ATP8A2: variants seen among roughly 807,000 people sequenced by gnomAD.
ATP8A2 encodes the protein phospholipid-transporting ATPase IB.
In ATP8A2, 100 loss-of-function variants were observed where a neutral mutation model predicts 165.6. That is an observed-to-expected ratio of 0.60 (90% CI 0.51 to 0.71). The LOEUF is 0.71. Ranked by LOEUF, ATP8A2 falls within the 30% of genes least tolerant of loss-of-function variation. ATP8A2 has a pLI of 0.00. For synonymous variants in ATP8A2, 543 were observed against 548.8 expected (o/e 0.99, Z 0.15); for missense variants, 1,227 against 1,479.5 (o/e 0.83, Z 2.80).
Position 25,376,329 on chromosome 13 carries a change from C to T in ATP8A2, c.76+4041C>T, listed in dbSNP as rs142814593. On this transcript the variant is annotated intron_variant, in intron 1 of 36. Transcript: ENST00000381655. ...ATTTCTCCTGCTTCCATTTCCTATA[C>T]TACCCTTTGTGTGCTCAGTAATTAC... Among the ~76,000 whole-genome samples, 653 of 152,338 alleles carry T rather than the reference C, an allele frequency of 4.3e-3. 1 individual carries two copies. Among genetic ancestry groups the T allele is most frequent in the African/African-American group, 0.012 (485 of 41,572 alleles).
intron 25 of ATP8A2, among the ~76,000 whole-genome samples, chr13:25,747,006 G>A (rs1236792793): frequency 6.6e-6 from 1 of 152,140 alleles, no homozygotes; most frequent in Non-Finnish European, 1.5e-5. Flanking sequence ...TCTGTCCTGC[G>A]AGCCTCTGCT....
intron 1 of ATP8A2, among the ~76,000 whole-genome samples, chr13:25,412,774 G>A (rs920252177): frequency 5.9e-5 from 9 of 152,208 alleles, no homozygotes; most frequent in African/African-American, 1.9e-4. Flanking sequence ...TGACCCCACA[G>A]TGTCCAGGTA....
rs910117557 is a variant in ATP8A2, at chr13:25,750,661, G to A, written c.2385-18385G>A. ...ATAGGGAGGAAGTGTGGGGAGCCTG[G>A]GGGCCCTGTCGGCAGGTACCTCATA... On this transcript the variant is annotated intron_variant, in intron 25 of 36. Coordinates refer to ENST00000381655, the MANE Select transcript of ATP8A2 (RefSeq NM_016529.6). The surrounding 1 kb of genome is among the most constrained non-coding windows in gnomAD (Gnocchi z 4.3). Among the ~76,000 whole-genome samples, 9 of 152,126 alleles carry A rather than the reference G, an allele frequency of 5.9e-5. No homozygotes were observed. Among genetic ancestry groups the A allele is most frequent in the Non-Finnish European group, 8.8e-5 (6 of 68,024 alleles).
rs927091484 is a variant in ATP8A2, at chr13:25,427,063, G to A, written c.77-41914G>A. ...GGAAAGCCAGAGGGGGTGTGAGAGA[G>A]TATGTGGGAACTCTCTACATCAGGG... On this transcript the variant is annotated intron_variant, in intron 1 of 36. Transcript: ENST00000381655. Among the ~76,000 whole-genome samples the A allele has an allele frequency of 5.9e-5, 9 of 152,188 alleles. No individual in the cohort carries two copies. In the South Asian group the frequency reaches 6.2e-4, roughly 10 times the overall value.
Position 25,953,773 on chromosome 13 carries a change from C to T in ATP8A2, c.3184-7802C>T, listed in dbSNP as rs115548192. ...GGATTGAGGAACTCCCTCCCCTAGC[C>T]GAGGGAAGCCGTGAGGGACTGTGCT... On this transcript the variant is annotated intron_variant, in intron 33 of 36. Transcript: ENST00000381655. The surrounding 1 kb of genome is among the most constrained non-coding windows in gnomAD (Gnocchi z 6.7). Among the ~76,000 whole-genome samples the T allele has an allele frequency of 1.8e-3, 267 of 152,178 alleles. No homozygotes were observed. The highest frequency in any genetic ancestry group is 6.1e-3 in the African/African-American group (254 of 41,530).
intron 33 of ATP8A2, among the ~76,000 whole-genome samples, chr13:25,921,984 G>A (rs894851837): frequency 6.6e-6 from 1 of 152,220 alleles, no homozygotes; most frequent in East Asian, 1.9e-4. Context: ...GTTAGATTTT[G>A]TAAAACCATT....
At chr13:25,420,726 C>T (rs1026199191) in intron 1 of ATP8A2, among the ~76,000 whole-genome samples, 7 of 152,194 alleles carry the variant, frequency 4.6e-5, no homozygotes, top group African/African-American at 1.4e-4. Context: ...GAGTTCAATG[C>T]TCTCATTCGC....
At chr13:25,444,370 G>A (rs145995020) in intron 1 of ATP8A2, among the ~76,000 whole-genome samples, 30 of 152,156 alleles carry the variant, frequency 2.0e-4, no homozygotes, top group African/African-American at 7.2e-4. Flanking sequence ...AATTTTTGTG[G>A]ACGTAACTTT....
intron 25 of ATP8A2, among the ~76,000 whole-genome samples, chr13:25,764,349 C>A (rs1350293909): frequency 6.6e-6 from 1 of 152,142 alleles, no homozygotes; most frequent in African/African-American, 2.4e-5. Context: ...AGAAGAAAAA[C>A]CTACATATGC....
intron 26 of ATP8A2, 70 bp from the exon 27 acceptor site, chr13:25,774,779 G>C: frequency 1.1e-6 from 1 of 880,902 alleles, no homozygotes; most frequent in East Asian, 2.4e-5. Flanking sequence ...CTGTTCATAA[G>C]GACATTCTGT....
At chr13:25,516,804 G>A (rs565171901) in intron 2 of ATP8A2, among the ~76,000 whole-genome samples, 44 of 136,064 alleles carry the variant, frequency 3.2e-4, no homozygotes, top group African/African-American at 1.1e-3. Flanking sequence ...TTTTTGAGAC[G>A]GAGTTTCACT....
intron 35 of ATP8A2, among the ~76,000 whole-genome samples, chr13:25,997,955 T>A (rs1031506099): frequency 5.3e-5 from 8 of 152,228 alleles, no homozygotes; most frequent in East Asian, 3.8e-4. Flanking sequence ...TTCTCCCTGT[T>A]TGAGATCTTC....
chr13:25,813,382 TATATG>T (rs57194469), intron 27 of ATP8A2, among the ~76,000 whole-genome samples: 23,340 of 147,062 alleles, frequency 0.16, 2,011 homozygotes, highest in Admixed American at 0.23. Context: ...AGGATGATGA[TATATG>T]ATATGATATG....
intron 24 of ATP8A2, among the ~76,000 whole-genome samples, chr13:25,609,477 A>C (rs534914502): frequency 7.1e-6 from 1 of 140,222 alleles, no homozygotes; most frequent in Non-Finnish European, 1.6e-5. Flanking sequence ...TGTGATGCCT[A>C]GAGTGTAGTT....
At chr13:25,508,472 T>A (rs1274416251) in intron 2 of ATP8A2, among the ~76,000 whole-genome samples, 3 of 152,330 alleles carry the variant, frequency 2.0e-5, no homozygotes, top group Admixed American at 6.5e-5. Flanking sequence ...TATGGAAAAT[T>A]ATATCACCAT....
intron 33 of ATP8A2, among the ~76,000 whole-genome samples, chr13:25,956,615 AAG>A (rs1190244113): frequency 1.3e-5 from 2 of 152,202 alleles, no homozygotes; most frequent in African/African-American, 4.8e-5. Flanking sequence ...TCAAGGAAAA[AAG>A]AGAGGACACA....
chr13:25,692,843 C>T (rs2042755047), intron 24 of ATP8A2, among the ~76,000 whole-genome samples: 1 of 152,160 alleles, frequency 6.6e-6, no homozygotes, highest in Non-Finnish European at 1.5e-5. Flanking sequence ...AGGGGACAGT[C>T]GTCAGTAGCA....
At chr13:25,536,792 A>G (rs767681849) in intron 6 of ATP8A2, among the ~76,000 whole-genome samples, 1 of 152,234 alleles carries the variant, frequency 6.6e-6, no homozygotes, top group Non-Finnish European at 1.5e-5. Context: ...TGACCTTCAC[A>G]CTCATGATGT....
intron 25 of ATP8A2, among the ~76,000 whole-genome samples, chr13:25,747,171 G>T (rs1397930467): frequency 6.6e-6 from 1 of 152,150 alleles, no homozygotes; most frequent in Non-Finnish European, 1.5e-5. Context: ...CTGGAAGGAG[G>T]GATCAGTAGA....
Sources: allele counts gnomAD v4.1 joint callset (sites outside exome capture counted in the v4.1 genomes callset), GRCh38; gene constraint gnomAD v4.1.1; non-coding constraint Gnocchi (gnomAD v3.1); transcripts MANE v1.5; gene names NCBI Gene and HGNC (gene_info 2026-07-23, HGNC 2026-07-21).